Variants in RNF216 observed in about 807,000 individuals in gnomAD.
RNF216 encodes ring finger protein 216.
Under a neutral mutation model 110.8 loss-of-function variants are expected in RNF216, and 72 were observed. The ratio of observed to expected loss-of-function variants is 0.65; its 90% confidence interval spans 0.54 to 0.79. RNF216 has a LOEUF of 0.79. RNF216 is among the 30% of genes least tolerant of loss of function. The pLI is 0.00. For synonymous variants in RNF216, 495 were observed against 407.5 expected (o/e 1.21, Z -2.59); for missense variants, 1,342 against 1,141.2 (o/e 1.18, Z -2.54).
chr7:5,740,900 T>G, intron 4 of RNF216, 73 bp downstream of exon 4: 17 of 1,429,742 alleles, frequency 1.2e-5, no homozygotes, highest in Middle Eastern at 4.1e-4. Flanking sequence ...CTTTTTTTTT[T>G]GCAATGAAAA....
chr7:5,642,864 T>C (rs1787825934), intron 14 of RNF216, among the ~76,000 whole-genome samples: 1 of 152,206 alleles, frequency 6.6e-6, no homozygotes, highest in African/African-American at 2.4e-5. Context: ...ACAAACCTTC[T>C]CTGTAAGAGC....
intron 13 of RNF216, among the ~76,000 whole-genome samples, chr7:5,666,087 A>C (rs1789496123): frequency 6.6e-6 from 1 of 151,322 alleles, no homozygotes. Flanking sequence ...AATGGCGTGA[A>C]CCTGGGAGGC....
Position 5,721,110 on chromosome 7 carries a change from A to G in RNF216, c.1567T>C (p.Tyr523His). 2 of 1,614,048 alleles carry G rather than the reference A, an allele frequency of 1.2e-6. No homozygotes were observed. Among genetic ancestry groups the G allele is most frequent in the South Asian group, 1.1e-5 (1 of 91,078 alleles). Residue 523 changes from tyrosine to histidine, a missense_variant, in exon 9 of 17, where the codon TAT (tyrosine) becomes CAT (histidine). Physicochemically the swap from Tyr to His is moderately conservative, Grantham distance 83 (BLOSUM62 2). Transcript: ENST00000389902. Reference sequence around the variant, plus strand: ...GCTGGAAGGAGAGCACGTCGGTCATAGGACCTACAATGTCGTCGCTTATTT... The same window carrying G: ...GCTGGAAGGAGAGCACGTCGGTCATGGGACCTACAATGTCGTCGCTTATTT... ...LENKRRHCRS[Y>H]DRRALLPAVQ...
intron 13 of RNF216, among the ~76,000 whole-genome samples, chr7:5,659,675 C>A: frequency 6.6e-6 from 1 of 152,158 alleles, no homozygotes; most frequent in East Asian, 1.9e-4. Context: ...TAAACTAAGG[C>A]CAAGTAAATA....
At chr7:5,685,969 TC>T (rs1376839702) in intron 13 of RNF216, among the ~76,000 whole-genome samples, 1 of 152,102 alleles carries the variant, frequency 6.6e-6, no homozygotes, top group African/African-American at 2.4e-5. Flanking sequence ...ACACCTGTAA[TC>T]CCAGCAGTTT....
intron 1 of RNF216, among the ~76,000 whole-genome samples, chr7:5,768,786 C>T (rs548217069): frequency 1.5e-3 from 231 of 151,834 alleles, no homozygotes; most frequent in African/African-American, 5.3e-3. Flanking sequence ...CTCACCCTCC[C>T]GAGTAACTAA....
chr7:5,760,298 C>T (rs1337455387), intron 2 of RNF216: 1 of 166,696 alleles, frequency 6.0e-6, no homozygotes, highest in Non-Finnish European at 1.3e-5. Flanking sequence ...GGGCGGATCA[C>T]CTGAGGTGGA....
chr7:5,648,334 C>A (rs1015609287), intron 14 of RNF216, among the ~76,000 whole-genome samples: 1 of 151,382 alleles, frequency 6.6e-6, no homozygotes, highest in Non-Finnish European at 1.5e-5. Flanking sequence ...CTCGAACTCC[C>A]GACCTCAGGT....
At position 5,630,953 on chromosome 7, in the gene RNF216, T is replaced by C. The variant is rs550180076; in HGVS notation, c.2383-6828A>G. Reference sequence around the variant, plus strand: ...CCTCAGGTTTCTGAATCGGAACTTCTGGCAAACCTGACTGGGGGCCTGAGA... The same window carrying C: ...CCTCAGGTTTCTGAATCGGAACTTCCGGCAAACCTGACTGGGGGCCTGAGA... On this transcript the variant is annotated intron_variant, in intron 15 of 16. Coordinates refer to ENST00000389902, the MANE Select transcript of RNF216 (RefSeq NM_207111.4). Among the ~76,000 whole-genome samples, 12 of 152,270 alleles carry C rather than the reference T, an allele frequency of 7.9e-5. No homozygotes were observed. In the South Asian group the frequency reaches 2.3e-3, roughly 29 times the overall value.
chr7:5,692,966 G>C (rs533961659), intron 13 of RNF216, among the ~76,000 whole-genome samples: 1 of 152,178 alleles, frequency 6.6e-6, no homozygotes, highest in Non-Finnish European at 1.5e-5. Context: ...GTGTCAGCAA[G>C]CATCTCTTCC....
intron 13 of RNF216, among the ~76,000 whole-genome samples, chr7:5,657,815 CT>C (rs1788841307): frequency 6.6e-6 from 1 of 152,132 alleles, no homozygotes; most frequent in Non-Finnish European, 1.5e-5. Flanking sequence ...GGAGTTTATG[CT>C]GCAACCCCTG....
At chr7:5,725,537 T>C (rs1428901869) in intron 7 of RNF216, 99 bp from the exon 8 acceptor site, 4 of 734,756 alleles carry the variant, frequency 5.4e-6, no homozygotes, top group Non-Finnish European at 9.5e-6. Context: ...GTTTCAGCTG[T>C]CTACCCAGCA....
At chr7:5,671,889 GAC>G (rs1789943184) in intron 13 of RNF216, among the ~76,000 whole-genome samples, 1 of 149,712 alleles carries the variant, frequency 6.7e-6, no homozygotes, top group Non-Finnish European at 1.5e-5. Context: ...ACAGCACGAA[GAC>G]AGTCCTCTGC....
intron 2 of RNF216, among the ~76,000 whole-genome samples, chr7:5,758,603 G>A (rs747312376): frequency 2.6e-5 from 4 of 152,120 alleles, no homozygotes; most frequent in South Asian, 2.1e-4. Flanking sequence ...AGTCAAAGGA[G>A]GTTATTTTGG....
intron 13 of RNF216, among the ~76,000 whole-genome samples, chr7:5,694,120 T>C (rs914976872): frequency 2.6e-5 from 4 of 152,200 alleles, no homozygotes; most frequent in African/African-American, 4.8e-5. Flanking sequence ...TAGATCAAGA[T>C]AGTCAGTTTT....
intron 13 of RNF216, among the ~76,000 whole-genome samples, chr7:5,674,192 G>A (rs929510735): frequency 1.3e-5 from 2 of 151,990 alleles, no homozygotes; most frequent in African/African-American, 2.4e-5. Flanking sequence ...ACCACGCCCA[G>A]CTAATTTTTG....
intron 7 of RNF216, among the ~76,000 whole-genome samples, chr7:5,725,873 G>A (rs1387487547): frequency 6.6e-6 from 1 of 150,770 alleles, no homozygotes; most frequent in Non-Finnish European, 1.5e-5. Flanking sequence ...ATAGGCAGTG[G>A]TAAAATAAAT....
chr7:5,728,111 T>C (rs1251072262), intron 7 of RNF216, among the ~76,000 whole-genome samples: 2 of 152,144 alleles, frequency 1.3e-5, no homozygotes, highest in Admixed American at 6.5e-5. Context: ...CAGATGTTTA[T>C]ACTAGTTCTC....
At position 5,716,719 on chromosome 7, in the gene RNF216, T is replaced by G. The variant is rs1316030151; in HGVS notation, c.1692A>C (p.Gln564His). ...LALQMNEEQYQKDGQLIECRC... is the reference protein window; with the variant it reads ...LALQMNEEQYHKDGQLIECRC... ...ACAAGGTGAGATTTCAAACTACCTTTTGATACTGTTCTTCATTCATCTGTA... is the reference window on the plus strand; with the variant it reads ...ACAAGGTGAGATTTCAAACTACCTTGTGATACTGTTCTTCATTCATCTGTA... The change falls in exon 10 of 17, where the codon CAA (glutamine) becomes CAC (histidine). Residue 564 changes from glutamine (Q) to histidine (H), a missense_variant. Transcript: ENST00000389902. 6.3e-7 allele frequency: 1 copy of G among 1,592,450 alleles called. No homozygotes were observed. The highest frequency in any genetic ancestry group is 2.3e-5 in the East Asian group (1 of 44,092).
Sources: gnomAD v4.1 joint callset for allele counts (sites outside exome capture counted in the v4.1 genomes callset) on GRCh38, gnomAD v4.1.1 for gene constraint, MANE v1.5 for transcripts, NCBI Gene and HGNC (gene_info 2026-07-23, HGNC 2026-07-21) for gene names.